The following PCNX4 variants were observed in gnomAD, a reference collection of about 807,000 sequenced individuals.
PCNX4 encodes the protein pecanex-like protein 4.
Under a neutral mutation model 107.2 loss-of-function variants are expected in PCNX4, and 103 were observed. That is an observed-to-expected ratio of 0.96 (90% confidence interval 0.82 to 1.13). The LOEUF (loss-of-function observed/expected upper bound fraction) is 1.13. PCNX4 is among the 50% of genes most tolerant of loss of function. The probability of loss-of-function intolerance (pLI) is 0.00; values close to 1 mark genes in which losing one functional copy is unlikely to be tolerated. For synonymous variants in PCNX4, 541 were observed against 481.7 expected, an observed-to-expected ratio of 1.12 and a Z score of -1.61; for missense variants, 1,528 against 1,379.4, an observed-to-expected ratio of 1.11 and a Z score of -1.71.
intron 1 of PCNX4, among the ~76,000 whole-genome samples, chr14:60,101,408 C>T (rs991491297): frequency 1.3e-5 from 2 of 151,690 alleles, no homozygotes. Context: ...TAAAAAGGAA[C>T]ACTCAGATTA....
rs1401920380 is a variant in PCNX4, at chr14:60,139,962, AG to A, written c.*5742del. 1 of 152,002 alleles carries A rather than the reference AG, an allele frequency of 6.6e-6. No homozygotes were observed. The highest frequency in any genetic ancestry group is 1.5e-5 in the Non-Finnish European group (1 of 67,970). The allele number at this position is 152,002 out of a possible 1,614,324, so 9.4% of individuals were successfully genotyped here. Reference sequence around the variant, plus strand: ...GTCTTAAACGCACATTAAAAAAAAAAGATTGAAAATGAACCTAGTAGTTAAA... The same window carrying A: ...GTCTTAAACGCACATTAAAAAAAAAAATTGAAAATGAACCTAGTAGTTAAA... On this transcript the variant is annotated 3_prime_UTR_variant, in exon 11 of 11. Transcript: ENST00000406854.
chr14:60,107,423 A>G (rs1418738740), intron 1 of PCNX4, among the ~76,000 whole-genome samples, 163 bp from the exon 2 acceptor site: 8 of 152,242 alleles, frequency 5.3e-5, no homozygotes, highest in African/African-American at 1.9e-4. Flanking sequence ...TATAAAAACT[A>G]GCAACTTAGT....
Position 60,138,643 on chromosome 14 carries a change from A to G in PCNX4, c.*4422A>G, listed in dbSNP as rs936137258. Reference sequence around the variant, plus strand: ...AATACCCAGCCTTTCCCCAAAAACAATTCTTAAGAATGAAGGCAAAGACAC... The same window carrying G: ...AATACCCAGCCTTTCCCCAAAAACAGTTCTTAAGAATGAAGGCAAAGACAC... On this transcript the variant is annotated 3_prime_UTR_variant, in exon 11 of 11. Transcript: ENST00000406854. 2 of 152,130 alleles carry G rather than the reference A, an allele frequency of 1.3e-5. No homozygotes were observed. The highest frequency in any genetic ancestry group is 6.5e-5 in the Admixed American group (1 of 15,268). 9.4% of individuals were successfully genotyped at this position (152,130 alleles called of 1,614,324 possible).
At chr14:60,123,058 C>T (rs944358812) in intron 8 of PCNX4, among the ~76,000 whole-genome samples, 5 of 152,072 alleles carry the variant, frequency 3.3e-5, no homozygotes, top group Non-Finnish European at 5.9e-5. Flanking sequence ...GATGCTGACT[C>T]ACCTACAGAT....
In PCNX4 at chr14:60,142,278, A is replaced by G. The variant is rs1896315698; in HGVS notation, c.*8057A>G. 1 of 152,194 alleles carries G rather than the reference A, an allele frequency of 6.6e-6. No individual in the cohort carries two copies. The highest frequency in any genetic ancestry group is 6.5e-5 in the Admixed American group (1 of 15,278). 9.4% of individuals were successfully genotyped at this position (152,194 alleles called of 1,614,324 possible). A position where few individuals can be genotyped will look rare whatever the true frequency, so the allele number is the denominator to read the frequency against. ...TACCTCAGTAAAGGTGTCAGAAATA[A>G]CAGGATATTTATATTTAAATCTACC... On this transcript the variant is annotated 3_prime_UTR_variant, in exon 11 of 11. Transcript: ENST00000406854. This position sits in a 1 kb window ranked among gnomAD's most constrained non-coding sequence, Gnocchi z 4.7.
intron 2 of PCNX4, 146 bp downstream of exon 2, chr14:60,108,473 T>A (rs1359349467): frequency 1.6e-6 from 1 of 608,574 alleles, no homozygotes; most frequent in African/African-American, 1.9e-5. Context: ...ATAATTATTC[T>A]TTTAGGATTA....
chr14:60,126,022 C>T (rs914873910), intron 10 of PCNX4, 199 bp downstream of exon 10: 13 of 385,776 alleles, frequency 3.4e-5, no homozygotes, highest in Non-Finnish European at 5.0e-5. Context: ...CTTTTGCCAA[C>T]TGAAGAGGAG....
intron 1 of PCNX4, among the ~76,000 whole-genome samples, chr14:60,104,251 G>A (rs1232245379): frequency 3.3e-5 from 5 of 149,914 alleles, no homozygotes; most frequent in East Asian, 2.0e-4. Context: ...CCCAGGAGGC[G>A]GAGGTTGTGG....
chr14:60,113,008 C>T (rs532892475), intron 2 of PCNX4, among the ~76,000 whole-genome samples: 1 of 152,228 alleles, frequency 6.6e-6, no homozygotes, highest in East Asian at 1.9e-4. Flanking sequence ...ATGGTGAAAC[C>T]CTGTCTCTAC....
chr14:60,094,281 A>AT lies in PCNX4; in HGVS notation c.-54+1864dup. ...AGCGTCCCATTTTTACACTTTGTAG[A>AT]TTCCTCTTGGACCCACTTTTCTCCA... On this transcript the variant is annotated intron_variant, in intron 1 of 10. Transcript: ENST00000406854. 1.3e-5 allele frequency among the ~76,000 whole-genome samples: 2 copies of AT among 149,388 alleles called. 1 individual carries two copies. Among genetic ancestry groups the AT allele is most frequent in the Middle Eastern group, 6.8e-3 (2 of 292 alleles).
chr14:60,104,400 A>G (rs1895593076), intron 1 of PCNX4, among the ~76,000 whole-genome samples: 1 of 151,322 alleles, frequency 6.6e-6, no homozygotes, highest in Non-Finnish European at 1.5e-5. Context: ...AATATGTCAT[A>G]TTTTCCAATT....
rs1017324056 is a variant in PCNX4, at chr14:60,139,875, A to G, written c.*5654A>G. On this transcript the variant is annotated 3_prime_UTR_variant, in exon 11 of 11. Coordinates refer to ENST00000406854, the MANE Select transcript of PCNX4 (RefSeq NM_001330177.2). ...TAGAATATATTTGAACTGAGTAGTG[A>G]AAGTGCTACATGTCAAAACTTATGG... is the stretch of plus-strand genomic sequence containing the variant. The G allele has an allele frequency of 1.3e-5, 2 of 152,152 alleles. No homozygotes were observed. The highest frequency in any genetic ancestry group is 2.4e-5 in the African/African-American group (1 of 41,466). 9.4% of individuals were successfully genotyped at this position (152,152 alleles called of 1,614,324 possible).
chr14:60,124,728 A>G lies in PCNX4; in HGVS notation c.2557A>G (p.Ile853Val), dbSNP rs777517397. The G allele has an allele frequency of 6.2e-7, 1 of 1,613,132 alleles. No individual in the cohort carries two copies. The highest frequency in any genetic ancestry group is 1.7e-5 in the Admixed American group (1 of 60,024). Residue 853 changes from isoleucine to valine, a missense_variant, in exon 9 of 11, where the codon ATT (isoleucine) becomes GTT (valine). Transcript: ENST00000406854. Reference sequence around the variant, plus strand: ...AGATTTGCCAGGTACAAATTTGTTTATTCCAGGATCAGTAGAATCACAGAG... The same window carrying G: ...AGATTTGCCAGGTACAAATTTGTTTGTTCCAGGATCAGTAGAATCACAGAG... ...LKDLPGTNLF[I>V]PGSVESQRVG... is the part of the protein sequence containing the mutation.
chr14:60,125,619 G>T lies in PCNX4; in HGVS notation c.3081-18G>T. ...ACAGCAAATATTCTAAAATTCTTCG[G>T]TTCTCCATTTTTTTTAGGTATACTC... is the stretch of plus-strand genomic sequence containing the variant. On this transcript the variant is annotated intron_variant, in intron 9 of 10. Transcript: ENST00000406854. 7.0e-7 allele frequency: 1 copy of T among 1,426,984 alleles called. No individual in the cohort carries two copies. The highest frequency in any genetic ancestry group is 9.2e-7 in the Non-Finnish European group (1 of 1,083,256). 88.4% of individuals were successfully genotyped at this position (1,426,984 alleles called of 1,614,324 possible).
intron 8 of PCNX4, among the ~76,000 whole-genome samples, chr14:60,122,813 T>C (rs1262549629): frequency 6.6e-6 from 1 of 152,150 alleles, no homozygotes; most frequent in Admixed American, 6.6e-5. Context: ...TTTTGTTTTA[T>C]ATAATGAATA....
intron 2 of PCNX4, among the ~76,000 whole-genome samples, chr14:60,111,634 G>A (rs160238): frequency 0.75 from 113,878 of 152,046 alleles, 44,748 homozygotes; most frequent in Non-Finnish European, 0.87. Flanking sequence ...TGGATTCAAA[G>A]TGAATCCTAG....
At chr14:60,123,092 C>A (rs1445353306) in intron 8 of PCNX4, among the ~76,000 whole-genome samples, 1 of 152,184 alleles carries the variant, frequency 6.6e-6, no homozygotes, top group South Asian at 2.1e-4. Flanking sequence ...TCTAGTCTAA[C>A]CCATACCAGA....
chr14:60,132,080 G>C (rs1438956007), intron 10 of PCNX4, among the ~76,000 whole-genome samples: 1 of 152,180 alleles, frequency 6.6e-6, no homozygotes, highest in Non-Finnish European at 1.5e-5. Flanking sequence ...TAGTTCTAAA[G>C]GTTAGAAGGC....
intron 7 of PCNX4, among the ~76,000 whole-genome samples, chr14:60,119,239 C>A (rs1895909415): frequency 6.6e-6 from 1 of 152,108 alleles, no homozygotes; most frequent in African/African-American, 2.4e-5. Flanking sequence ...CAGTTACTAG[C>A]AAGATAATAG....
Sources: allele counts gnomAD v4.1 joint callset (sites outside exome capture counted in the v4.1 genomes callset), GRCh38; gene constraint gnomAD v4.1.1; non-coding constraint Gnocchi (gnomAD v3.1); transcripts MANE v1.5; gene names NCBI Gene and HGNC (gene_info 2026-07-23, HGNC 2026-07-21).